The following EYS variants were observed in gnomAD, a reference collection of about 807,000 sequenced individuals.
EYS encodes protein eyes shut homolog.
A neutral mutation model predicts 282.1 loss-of-function variants in EYS; 250 were observed. The ratio of observed to expected loss-of-function variants is 0.89; its 90% CI spans 0.80 to 0.98. The LOEUF is 0.98. Ranked by LOEUF, EYS falls within the 50% of genes least tolerant of loss-of-function variation. The probability of loss-of-function intolerance (pLI) is 0.00; values close to 1 mark genes in which losing one functional copy is unlikely to be tolerated. For missense variants in EYS, 4,016 were observed against 3,709.0 expected (o/e 1.08, Z -2.15); for synonymous variants, 1,355 against 1,282.9 (o/e 1.06, Z -1.20).
At chr6:64,727,744 G>A (rs997980280) in intron 22 of EYS, among the ~76,000 whole-genome samples, 1 of 152,168 alleles carries the variant, frequency 6.6e-6, no homozygotes, top group Non-Finnish European at 1.5e-5. Flanking sequence ...TGTTTAGACA[G>A]TGACCCAATC....
At chr6:63,817,367 A>G (rs1182292574) in intron 36 of EYS, among the ~76,000 whole-genome samples, 1 of 152,212 alleles carries the variant, frequency 6.6e-6, no homozygotes, top group East Asian at 1.9e-4. Flanking sequence ...ACACAGTGCT[A>G]CAAAAGCCCA....
chr6:64,072,602 G>A (rs111713304), intron 32 of EYS, among the ~76,000 whole-genome samples: 4,654 of 151,812 alleles, frequency 0.031, 251 homozygotes, highest in African/African-American at 0.1. Flanking sequence ...CCTTGGATCT[G>A]TAAAAGGTTA....
chr6:65,344,297 A>G, intron 9 of EYS, 120 bp from the exon 10 acceptor site: 2 of 847,288 alleles, frequency 2.4e-6, no homozygotes, highest in Non-Finnish European at 3.8e-6. Context: ...CTGCCACAAA[A>G]TAAGTTCCTG....
At chr6:64,623,928 T>G (rs1029732424) in intron 23 of EYS, among the ~76,000 whole-genome samples, 9 of 152,140 alleles carry the variant, frequency 5.9e-5, no homozygotes, top group African/African-American at 2.2e-4. Context: ...AGATTATTCC[T>G]TAAATAACTT....
chr6:64,555,156 T>C (rs937875817), intron 26 of EYS, among the ~76,000 whole-genome samples: 3 of 151,930 alleles, frequency 2.0e-5, no homozygotes, highest in African/African-American at 4.8e-5. Flanking sequence ...AACAGTCATA[T>C]AAATATGTAT....
At chr6:63,859,814 T>G (rs1772490456) in intron 36 of EYS, among the ~76,000 whole-genome samples, 1 of 152,156 alleles carries the variant, frequency 6.6e-6, no homozygotes, top group Admixed American at 6.6e-5. Context: ...CGATTACCCC[T>G]GGATGAATTC....
intron 26 of EYS, among the ~76,000 whole-genome samples, chr6:64,511,937 G>A (rs1454094535): frequency 2.0e-5 from 3 of 151,986 alleles, no homozygotes; most frequent in African/African-American, 4.8e-5. Flanking sequence ...ATTTGGAAGA[G>A]ACTCATGGGA....
intron 13 of EYS, among the ~76,000 whole-genome samples, chr6:65,012,499 T>G (rs1441928318): frequency 2.0e-5 from 3 of 152,202 alleles, no homozygotes; most frequent in African/African-American, 7.2e-5. Flanking sequence ...GTCCTTGAAC[T>G]GCTTGGGTTT....
intron 24 of EYS, among the ~76,000 whole-genome samples, chr6:64,610,046 A>C (rs1206524279): frequency 6.6e-6 from 1 of 152,110 alleles, no homozygotes; most frequent in Non-Finnish European, 1.5e-5. Flanking sequence ...CCATTCTGTA[A>C]GTATGGGCAT....
intron 12 of EYS, among the ~76,000 whole-genome samples, chr6:65,149,287 T>C (rs988935364): frequency 6.6e-6 from 1 of 152,116 alleles, no homozygotes; most frequent in African/African-American, 2.4e-5. Flanking sequence ...TCCTAAATCA[T>C]GTCTTCCCAA....
Position 65,361,487 on chromosome 6 carries a change from TC to T in EYS, c.1300-7871del, listed in dbSNP as rs1300937540. ...TTCCTTCCTTCTTTCGTTCGTTCGT[TC>T]CTTTTTTTTTTGGTCTGTGTCTCTC... On this transcript the variant is annotated intron_variant, in intron 8 of 42. Transcript: ENST00000503581. Among the ~76,000 whole-genome samples the T allele has an allele frequency of 1.7e-4, 13 of 77,482 alleles. 1 individual carries two copies. Among genetic ancestry groups the T allele is most frequent in the African/African-American group, 2.6e-4 (5 of 19,150 alleles). The allele number at this position is 77,482 out of a possible 152,430, so 50.8% of individuals were successfully genotyped here.
In EYS at chr6:63,862,777, A is replaced by G. The variant is rs116835353; in HGVS notation, c.7228+1409T>C. 6.1e-3 allele frequency among the ~76,000 whole-genome samples: 933 copies of G among 152,290 alleles called. 10 individuals are homozygous for G. The highest frequency in any genetic ancestry group is 0.022 in the African/African-American group (901 of 41,570). On this transcript the variant is annotated intron_variant, in intron 36 of 42. Transcript: ENST00000503581. The stretch of plus-strand genomic sequence containing the variant: ...ACACAACTTCAATTCTATTCAGTCT[A>G]TAATGTTTTCTCTTTTTATAAAAAT...
intron 36 of EYS, among the ~76,000 whole-genome samples, chr6:63,843,501 G>A (rs2149698731): frequency 6.6e-6 from 1 of 152,024 alleles, no homozygotes; most frequent in Admixed American, 6.6e-5. Flanking sequence ...AGAGTTTTGG[G>A]GCTTATTATC....
intron 22 of EYS, among the ~76,000 whole-genome samples, chr6:64,712,648 CA>C (rs1771251183): frequency 6.6e-6 from 1 of 152,212 alleles, no homozygotes; most frequent in South Asian, 2.1e-4. Context: ...ACCAACTATG[CA>C]AATGTTCTTG....
intron 5 of EYS, among the ~76,000 whole-genome samples, chr6:65,469,683 A>G (rs933611459): frequency 3.9e-5 from 6 of 152,034 alleles, no homozygotes; most frequent in African/African-American, 1.4e-4. Context: ...ACATTTTGCC[A>G]TTAGTACTGG....
At position 63,904,481 on chromosome 6, in the gene EYS, G is replaced by A. The variant is rs1315980860; in HGVS notation, c.7056-40123C>T. Among the ~76,000 whole-genome samples the A allele has an allele frequency of 2.6e-5, 4 of 152,250 alleles. No homozygotes were observed. The East Asian group carries it at 7.7e-4, about 29-fold the overall frequency. Reference sequence around the variant, plus strand: ...ACCTGGAAGCATGCACACTCAACCTGGGAAAGCAGTGTCAGGCCTTCGGCT... The same window carrying A: ...ACCTGGAAGCATGCACACTCAACCTAGGAAAGCAGTGTCAGGCCTTCGGCT... On this transcript the variant is annotated intron_variant, in intron 35 of 42. Coordinates refer to ENST00000503581, the MANE Select transcript of EYS (RefSeq NM_001142800.2).
At chr6:64,896,913 C>A (rs981227443) in intron 18 of EYS, among the ~76,000 whole-genome samples, 8 of 152,168 alleles carry the variant, frequency 5.3e-5, no homozygotes, top group Non-Finnish European at 1.5e-5. Flanking sequence ...TAGATACCTC[C>A]TCTCTGGGCA....
chr6:65,361,224 G>A (rs565099682), intron 8 of EYS, among the ~76,000 whole-genome samples: 4 of 152,106 alleles, frequency 2.6e-5, no homozygotes, highest in East Asian at 1.9e-4. Context: ...GGTGGGGAGT[G>A]GGGGAGGAAG....
rs1173985436 is a variant in EYS at position 63,778,302 on chromosome 6, AAAAG to A, written c.7724-126_7724-123del. 8.0e-5 allele frequency: 84 copies of A among 1,049,290 alleles called. No individual in the cohort carries two copies. In the African/African-American group the frequency reaches 1.3e-3, roughly 16 times the overall value. The allele number at this position is 1,049,290 out of a possible 1,614,324, so 65.0% of individuals were successfully genotyped here. ...AAATAAAGTAATACATGTAAATTTTAAAAGAAATATAAGAATACAGAAATGCGCA... is the reference window on the plus strand; with the variant it reads ...AAATAAAGTAATACATGTAAATTTTAAAATATAAGAATACAGAAATGCGCA... On this transcript the variant is annotated intron_variant, in intron 39 of 42. Transcript: ENST00000503581.
Sources: gnomAD v4.1 joint callset for allele counts (sites outside exome capture counted in the v4.1 genomes callset) on GRCh38, gnomAD v4.1.1 for gene constraint, MANE v1.5 for transcripts, NCBI Gene and HGNC (gene_info 2026-07-23, HGNC 2026-07-21) for gene names.